The following ASTN1 variants were observed in gnomAD, a reference collection of about 807,000 sequenced individuals.
ASTN1 encodes astrotactin 1.
ASTN1 carries 41 observed loss-of-function variants against 140.7 expected under a neutral mutation model. The ratio of observed to expected loss-of-function variants is 0.29; its 90% CI spans 0.23 to 0.38. ASTN1 has a LOEUF of 0.38. Among genes scored for constraint, ASTN1 ranks in the 10% least tolerant of loss-of-function variants. The pLI is 1.00. For missense variants in ASTN1, 1,479 were observed against 1,678.8 expected (o/e 0.88, Z 2.08); for synonymous variants, 640 against 652.2 (o/e 0.98, Z 0.29).
chr1:177,069,453 C>G (rs1218313705), intron 1 of ASTN1, among the ~76,000 whole-genome samples: 1 of 152,210 alleles, frequency 6.6e-6, no homozygotes, highest in African/African-American at 2.4e-5. Flanking sequence ...AGGAAATAAG[C>G]ACCCTGGAGA....
intron 1 of ASTN1, among the ~76,000 whole-genome samples, chr1:177,079,934 T>C (rs1044168075): frequency 3.3e-5 from 5 of 152,210 alleles, no homozygotes; most frequent in African/African-American, 1.2e-4. Flanking sequence ...TTTGTATTTC[T>C]ATGTTGATTC....
chr1:176,978,437 T>C (rs1673462687), intron 8 of ASTN1, among the ~76,000 whole-genome samples: 1 of 152,164 alleles, frequency 6.6e-6, no homozygotes, highest in African/African-American at 2.4e-5. Context: ...GGATCTGAAT[T>C]CAGTGGGAAG....
At chr1:177,114,863 A>AT (rs1453594532) in intron 1 of ASTN1, among the ~76,000 whole-genome samples, 1 of 152,188 alleles carries the variant, frequency 6.6e-6, no homozygotes, top group Non-Finnish European at 1.5e-5. Context: ...GTTGCATTTC[A>AT]TCAATGATGA....
intron 14 of ASTN1, among the ~76,000 whole-genome samples, chr1:176,936,927 A>G (rs952153713): frequency 6.6e-6 from 1 of 152,212 alleles, no homozygotes; most frequent in Admixed American, 6.5e-5. Flanking sequence ...GGATAATGGT[A>G]TTCATCCTAT....
intron 17 of ASTN1, among the ~76,000 whole-genome samples, chr1:176,888,631 C>G (rs1414709749): frequency 1.3e-5 from 2 of 152,240 alleles, no homozygotes; most frequent in African/African-American, 4.8e-5. Flanking sequence ...TCCTTATCTA[C>G]CTGCCCCAGT....
chr1:177,019,800 G>T (rs1487249648), intron 7 of ASTN1, among the ~76,000 whole-genome samples: 1 of 152,156 alleles, frequency 6.6e-6, no homozygotes, highest in Non-Finnish European at 1.5e-5. Flanking sequence ...ATACATCTTT[G>T]AAAAGTCTAT....
At chr1:176,925,262 T>G (rs1463986216) in intron 16 of ASTN1, among the ~76,000 whole-genome samples, 1 of 152,074 alleles carries the variant, frequency 6.6e-6, no homozygotes, top group African/African-American at 2.4e-5. Flanking sequence ...ATGGCTCCAG[T>G]GTCGAAGTTT....
chr1:176,913,259 A>T (rs1170659582), intron 16 of ASTN1, among the ~76,000 whole-genome samples: 1 of 152,212 alleles, frequency 6.6e-6, no homozygotes, highest in Non-Finnish European at 1.5e-5. Context: ...TGGTGATTTC[A>T]ATTCTTCTTT....
chr1:176,965,300 C>A, intron 8 of ASTN1, 63 bp from the exon 9 acceptor site: 3 of 1,550,910 alleles, frequency 1.9e-6, no homozygotes, highest in East Asian at 4.5e-5. Context: ...ACACCCACTT[C>A]GTATCAGGCA....
At chr1:176,895,442 C>T (rs190853409) in intron 16 of ASTN1, among the ~76,000 whole-genome samples, 1 of 152,262 alleles carries the variant, frequency 6.6e-6, no homozygotes, top group East Asian at 1.9e-4. Context: ...GCTTCAAGGT[C>T]CCACAGCTAG....
intron 5 of ASTN1, among the ~76,000 whole-genome samples, chr1:177,028,071 A>G (rs1676217812): frequency 1.3e-5 from 2 of 152,146 alleles, no homozygotes; most frequent in African/African-American, 4.8e-5. Flanking sequence ...TGGAAAAATA[A>G]ATTAGGCATT....
At chr1:176,942,224 T>G (rs1671747752) in intron 14 of ASTN1, among the ~76,000 whole-genome samples, 1 of 152,200 alleles carries the variant, frequency 6.6e-6, no homozygotes, top group Non-Finnish European at 1.5e-5. Context: ...ATTTATTTAT[T>G]CCTCATATCA....
At chr1:176,925,292 A>G (rs1177081725) in intron 16 of ASTN1, among the ~76,000 whole-genome samples, 10 of 152,166 alleles carry the variant, frequency 6.6e-5, no homozygotes, top group Non-Finnish European at 1.3e-4. Flanking sequence ...ACAGGATGAG[A>G]AAAGACAGTA....
chr1:176,940,143 C>G (rs1323307887), intron 14 of ASTN1, among the ~76,000 whole-genome samples: 1 of 152,120 alleles, frequency 6.6e-6, no homozygotes, highest in Admixed American at 6.6e-5. Context: ...CCTTCTCTTT[C>G]TCAGCTGAAA....
intron 1 of ASTN1, among the ~76,000 whole-genome samples, chr1:177,094,383 C>T (rs1679922484): frequency 1.3e-5 from 2 of 152,194 alleles, no homozygotes; most frequent in African/African-American, 4.8e-5. Context: ...TGCCTATGCA[C>T]ATGATTGTTT....
At chr1:177,013,437 T>A (rs921538103) in intron 8 of ASTN1, among the ~76,000 whole-genome samples, 2 of 152,192 alleles carry the variant, frequency 1.3e-5, no homozygotes, top group African/African-American at 4.8e-5. Flanking sequence ...TTCTCAGAGT[T>A]GAGTTCTTCT....
chr1:177,057,287 G>T (rs1677854844), intron 2 of ASTN1, among the ~76,000 whole-genome samples: 1 of 152,186 alleles, frequency 6.6e-6, no homozygotes, highest in Non-Finnish European at 1.5e-5. Context: ...CCACAATTTT[G>T]CTGATGGTCG....
At chr1:177,050,990 C>A (rs764200336) in intron 2 of ASTN1, among the ~76,000 whole-genome samples, 1 of 152,126 alleles carries the variant, frequency 6.6e-6, no homozygotes, top group Non-Finnish European at 1.5e-5. Context: ...TAATAAGTAT[C>A]CTGTTTATAC....
At chr1:176,905,814 G>A (rs1298673297) in intron 16 of ASTN1, among the ~76,000 whole-genome samples, 1 of 152,116 alleles carries the variant, frequency 6.6e-6, no homozygotes, top group Non-Finnish European at 1.5e-5. Flanking sequence ...GCCTCTCCCA[G>A]CCTTAATGAA....
Sources: gnomAD v4.1 joint callset for allele counts (sites outside exome capture counted in the v4.1 genomes callset) on GRCh38, gnomAD v4.1.1 for gene constraint, MANE v1.5 for transcripts, NCBI Gene and HGNC (gene_info 2026-07-23, HGNC 2026-07-21) for gene names.